The following LGSN variants were observed in gnomAD, a reference collection of about 807,000 sequenced individuals.
The protein encoded by LGSN is lengsin, lens protein with glutamine synthetase domain.
LGSN carries 21 observed loss-of-function variants against 19.5 expected under a neutral mutation model. The observed-to-expected ratio is 1.07, with a 90% CI of 0.76 to 1.55. LGSN has a LOEUF of 1.55. Among genes scored for constraint, LGSN ranks in the 40% most tolerant of loss-of-function variants. LGSN has a pLI of 0.00. For synonymous variants in LGSN, 257 were observed against 215.6 expected (o/e 1.19, Z -1.68); for missense variants, 673 against 608.5 (o/e 1.11, Z -1.12).
At chr6:63,537,955 G>A in the LGSN span, among the ~76,000 whole-genome samples, 1 of 152,230 alleles carries the variant, frequency 6.6e-6, no homozygotes, top group African/African-American at 2.4e-5. Flanking sequence ...AGAGGATGTA[G>A]TGTCACAGAC....
chr6:63,508,715 G>A, the LGSN span, among the ~76,000 whole-genome samples: 4 of 151,904 alleles, frequency 2.6e-5, no homozygotes, highest in African/African-American at 7.3e-5. Context: ...TCAGGAGTTC[G>A]AGACCAGCCT....
At chr6:63,398,513 T>C in the LGSN span, among the ~76,000 whole-genome samples, 1 of 151,954 alleles carries the variant, frequency 6.6e-6, no homozygotes, top group Non-Finnish European at 1.5e-5. Context: ...AGAAAGAAAA[T>C]ATTTTTGTTT....
At chr6:63,423,852 A>G in the LGSN span, among the ~76,000 whole-genome samples, 3 of 152,284 alleles carry the variant, frequency 2.0e-5, no homozygotes, top group East Asian at 5.8e-4. Flanking sequence ...ATCCTGGCCA[A>G]CGTGGTGAAA....
chr6:63,553,127 C>A, the LGSN span, among the ~76,000 whole-genome samples: 1 of 152,152 alleles, frequency 6.6e-6, no homozygotes, highest in Non-Finnish European at 1.5e-5. Flanking sequence ...TATATTCAAA[C>A]CAGTTTTTCC....
the LGSN span, among the ~76,000 whole-genome samples, chr6:63,440,601 G>A: frequency 2.0e-5 from 3 of 151,992 alleles, no homozygotes; most frequent in Admixed American, 6.5e-5. Flanking sequence ...CCTTTCCCTA[G>A]ATATCCATTT....
chr6:63,505,625 G>T, the LGSN span, among the ~76,000 whole-genome samples: 23,001 of 90,102 alleles, frequency 0.26, 5,335 homozygotes, highest in Admixed American at 0.33. Context: ...AAGAAAGAAA[G>T]AAAGAAAGAA....
At chr6:63,374,256 T>C in the LGSN span, among the ~76,000 whole-genome samples, 2 of 152,188 alleles carry the variant, frequency 1.3e-5, no homozygotes, top group African/African-American at 4.8e-5. Context: ...ATGCAAATTA[T>C]TTGCATCATT....
chr6:63,495,936 TAA>T, the LGSN span, among the ~76,000 whole-genome samples: 18 of 146,986 alleles, frequency 1.2e-4, no homozygotes, highest in African/African-American at 4.3e-4. Context: ...TTAATTTTTT[TAA>T]AAAAAAAAGA....
At chr6:63,367,243 A>G in the LGSN span, among the ~76,000 whole-genome samples, 1 of 152,210 alleles carries the variant, frequency 6.6e-6, no homozygotes, top group Non-Finnish European at 1.5e-5. Context: ...CAAATTTACA[A>G]GAAAAAATCA....
chr6:63,373,591 G>A, the LGSN span, among the ~76,000 whole-genome samples: 1 of 152,062 alleles, frequency 6.6e-6, no homozygotes, highest in African/African-American at 2.4e-5. Context: ...AAAGATTGAA[G>A]AATTTTTCAG....
rs61758980 is a variant in LGSN at position 63,280,471 on chromosome 6, C to G, written c.1080G>C (p.Ala360=). Residue 360 remains alanine, a synonymous_variant, in exon 4 of 4, where the codon GCG becomes GCC. Coordinates refer to ENST00000370657, the MANE Select transcript of LGSN (RefSeq NM_016571.3). ...KHSAALSCLM[A]PSVSCRKRYS... is the part of the protein sequence containing the mutation. ...AACGCTTTCGGCAGCTAACAGAAGGCGCCATCAGGCAGCTGAGCGCAGCAG... is the reference window on the plus strand; with the variant it reads ...AACGCTTTCGGCAGCTAACAGAAGGGGCCATCAGGCAGCTGAGCGCAGCAG... The G allele has an allele frequency of 1.2e-6, 2 of 1,614,136 alleles. No homozygotes were observed. Among genetic ancestry groups the G allele is most frequent in the South Asian group, 2.2e-5 (2 of 91,090 alleles).
At chr6:63,444,548 A>G in the LGSN span, among the ~76,000 whole-genome samples, 1 of 152,332 alleles carries the variant, frequency 6.6e-6, no homozygotes, top group South Asian at 2.1e-4. Context: ...AAGTTAACAC[A>G]TACACGGAAC....
At chr6:63,478,903 A>G in the LGSN span, among the ~76,000 whole-genome samples, 1 of 152,240 alleles carries the variant, frequency 6.6e-6, no homozygotes, top group Non-Finnish European at 1.5e-5. Context: ...GCTTATTCCA[A>G]GGTTTACAAC....
chr6:63,568,366 C>G, the LGSN span, among the ~76,000 whole-genome samples: 1 of 152,314 alleles, frequency 6.6e-6, no homozygotes, highest in African/African-American at 2.4e-5. Flanking sequence ...ATTGCTGTGT[C>G]TCACTGAGGG....
chr6:63,464,455 T>A, the LGSN span, among the ~76,000 whole-genome samples: 1 of 151,744 alleles, frequency 6.6e-6, no homozygotes, highest in Non-Finnish European at 1.5e-5. Context: ...AGTCATGTTC[T>A]AAGCATTGAC....
the LGSN span, among the ~76,000 whole-genome samples, chr6:63,338,043 C>A: frequency 7.2e-5 from 11 of 151,808 alleles, no homozygotes; most frequent in South Asian, 2.3e-3. Flanking sequence ...ACACCACCAC[C>A]CCTGGCTAAT....
At chr6:63,493,732 C>T in the LGSN span, among the ~76,000 whole-genome samples, 2 of 152,132 alleles carry the variant, frequency 1.3e-5, no homozygotes, top group African/African-American at 4.8e-5. Flanking sequence ...ATTTGTCTGA[C>T]ACTTCTAAGC....
At chr6:63,457,721 T>C in the LGSN span, among the ~76,000 whole-genome samples, 1 of 151,418 alleles carries the variant, frequency 6.6e-6, no homozygotes, top group Non-Finnish European at 1.5e-5. Flanking sequence ...CTCCTAAAAA[T>C]ACAAAAAATT....
chr6:63,359,044 C>G, the LGSN span, among the ~76,000 whole-genome samples: 1 of 152,060 alleles, frequency 6.6e-6, no homozygotes, highest in East Asian at 1.9e-4. Flanking sequence ...TAGCATGAAG[C>G]GCTGTTGAAT....
Sources: allele counts gnomAD v4.1 joint callset (sites outside exome capture counted in the v4.1 genomes callset), GRCh38; gene constraint gnomAD v4.1.1; transcripts MANE v1.5; gene names NCBI Gene and HGNC (gene_info 2026-07-23, HGNC 2026-07-21).